The following ADAM9 variants were observed in gnomAD, a reference collection of about 807,000 sequenced individuals.
ADAM9 encodes the protein ADAM metallopeptidase domain 9, also known as disintegrin and metalloproteinase domain-containing protein 9.
In ADAM9, 54 loss-of-function variants were observed where a neutral mutation model predicts 108.1. That is an observed-to-expected ratio of 0.50 (90% CI 0.40 to 0.63). The LOEUF (loss-of-function observed/expected upper bound fraction) is 0.63, where lower values mean the gene tolerates loss of function less well. ADAM9 is among the 20% of genes least tolerant of loss of function. The pLI is 0.00. For missense variants in ADAM9, 830 were observed against 997.7 expected, an observed-to-expected ratio of 0.83 and a Z score of 2.26; for synonymous variants, 316 against 336.0, an observed-to-expected ratio of 0.94 and a Z score of 0.65.
chr8:39,090,726 G>A (rs537073096), intron 19 of ADAM9, among the ~76,000 whole-genome samples: 1 of 152,094 alleles, frequency 6.6e-6, no homozygotes, highest in East Asian at 1.9e-4. Context: ...TAGATACTTC[G>A]TATCATACTT....
At chr8:39,098,337 A>G (rs1839574817) in intron 20 of ADAM9, among the ~76,000 whole-genome samples, 1 of 152,154 alleles carries the variant, frequency 6.6e-6, no homozygotes, top group African/African-American at 2.4e-5. Context: ...GCAAATTCTT[A>G]GCAATTATTT....
At chr8:39,058,394 C>G (rs1351316524) in intron 14 of ADAM9, among the ~76,000 whole-genome samples, 1 of 152,174 alleles carries the variant, frequency 6.6e-6, no homozygotes, top group Non-Finnish European at 1.5e-5. Flanking sequence ...GGTTCTTTAC[C>G]TGTTAGGGTG....
In ADAM9 at chr8:39,017,216, C is replaced by T. The variant is rs895382518; in HGVS notation, c.411-3C>T. 3.7e-6 allele frequency: 6 copies of T among 1,613,934 alleles called. No homozygotes were observed. In the East Asian group the frequency reaches 1.3e-4, roughly 36 times the overall value. On this transcript the variant is annotated splice_region_variant and splice_polypyrimidine_tract_variant and intron_variant, in intron 5 of 21. Transcript: ENST00000487273. ...ATTTGTATACGTGTAATGCAACATT[C>T]AGAGGATTGCTGCATTTAGAGAATG...
chr8:39,033,479 T>C (rs1215148825), intron 11 of ADAM9, among the ~76,000 whole-genome samples: 1 of 152,036 alleles, frequency 6.6e-6, no homozygotes, highest in Non-Finnish European at 1.5e-5. Flanking sequence ...ATTTTTTTTT[T>C]AGCATTGACA....
intron 18 of ADAM9, among the ~76,000 whole-genome samples, chr8:39,084,730 G>T (rs187005470): frequency 7.2e-4 from 109 of 152,034 alleles, no homozygotes; most frequent in African/African-American, 2.3e-3. Flanking sequence ...TAGGTAGTCG[G>T]ATCTTTCATA....
At chr8:39,062,339 G>A (rs111806047) in intron 14 of ADAM9, among the ~76,000 whole-genome samples, 128 of 152,240 alleles carry the variant, frequency 8.4e-4, no homozygotes, top group African/African-American at 3.0e-3. Flanking sequence ...TCTGTAAACT[G>A]GCTCAACTCA....
At chr8:39,082,021 A>G (rs1839040036) in intron 16 of ADAM9, among the ~76,000 whole-genome samples, 2 of 152,112 alleles carry the variant, frequency 1.3e-5, no homozygotes. Context: ...AGTAGCTAGG[A>G]TTCATTTCTG....
intron 11 of ADAM9, among the ~76,000 whole-genome samples, chr8:39,028,571 T>C (rs1037221846): frequency 5.3e-5 from 8 of 152,190 alleles, no homozygotes; most frequent in Non-Finnish European, 8.8e-5. Context: ...GGGAATGTTA[T>C]GAAACAGTGC....
At chr8:39,021,740 G>A (rs760980922) in intron 8 of ADAM9, 26 bp downstream of exon 8, 8 of 1,588,698 alleles carry the variant, frequency 5.0e-6, no homozygotes, top group Admixed American at 1.7e-5. Context: ...TATCAACCAG[G>A]ATGATTCTGT....
In ADAM9 at chr8:39,045,423, C is replaced by T. The variant is rs1405942596; in HGVS notation, c.1302+3306C>T. Among the ~76,000 whole-genome samples, 74 of 134,156 alleles carry T rather than the reference C, an allele frequency of 5.5e-4. 3 individuals are homozygous for T. Among genetic ancestry groups the T allele is most frequent in the Admixed American group, 1.2e-3 (16 of 13,782 alleles). The allele number at this position is 134,156 out of a possible 152,430, so 88.0% of individuals were successfully genotyped here. A position where few individuals can be genotyped will look rare whatever the true frequency, so the allele number is the denominator to read the frequency against. ...ACACCTATATGTGCGCGTGTGTACA[C>T]ACACCTATATGTGCGCGTGTGTACA... On this transcript the variant is annotated intron_variant, in intron 12 of 21. Transcript: ENST00000487273.
At chr8:39,093,499 G>A (rs967752594) in intron 20 of ADAM9, among the ~76,000 whole-genome samples, 2 of 152,058 alleles carry the variant, frequency 1.3e-5, no homozygotes, top group Non-Finnish European at 2.9e-5. Flanking sequence ...TGACTCTTTA[G>A]GGTTTTCTAT....
At chr8:39,099,778 ATCCAGCACC>A (rs1487171007) in intron 20 of ADAM9, among the ~76,000 whole-genome samples, 6 of 152,040 alleles carry the variant, frequency 3.9e-5, no homozygotes, top group Non-Finnish European at 5.9e-5. Flanking sequence ...TAATTAACAT[ATCCAGCACC>A]TTGCTTGCTT....
chr8:39,030,975 TAA>T (rs1325701123), intron 11 of ADAM9, among the ~76,000 whole-genome samples: 1 of 152,258 alleles, frequency 6.6e-6, no homozygotes, highest in Non-Finnish European at 1.5e-5. Flanking sequence ...ATACTTTGGA[TAA>T]GAGTCTTTTA....
chr8:39,001,652 TTAAG>T (rs959873188), intron 1 of ADAM9, among the ~76,000 whole-genome samples: 4 of 152,068 alleles, frequency 2.6e-5, no homozygotes, highest in African/African-American at 9.7e-5. Flanking sequence ...GAAATTATAA[TTAAG>T]TATGTTTGAA....
chr8:39,103,614 C>T lies in ADAM9; in HGVS notation c.2374C>T (p.Pro792Ser), dbSNP rs1295134926. The T allele has an allele frequency of 3.7e-6, 6 of 1,614,078 alleles. No homozygotes were observed. ...QPQQFPSRPP[P>S]PQPKVSSQGN... ...TCTCTTTTCCCCTCGCAGGCCACCTCCACCACAACCGAAAGTATCATCTCA... is the reference window on the plus strand; with the variant it reads ...TCTCTTTTCCCCTCGCAGGCCACCTTCACCACAACCGAAAGTATCATCTCA... Residue 792 changes from proline to serine, a missense_variant, in exon 22 of 22, where the codon CCA becomes TCA. By Grantham distance (74) the Pro-to-Ser change is moderately conservative. This residue lies in a region of ADAM9 where 238 missense variants were observed against 235.7 expected (regional missense o/e 1.01). Transcript: ENST00000487273.
rs566681319 is a variant in ADAM9, at chr8:39,039,175, G to A, written c.1131-2771G>A. ...GATAGGGCTGCTTCTTCATTAACTA[G>A]AATGCAACATAGCTTTCACTCCTGC... On this transcript the variant is annotated intron_variant, in intron 11 of 21. Transcript: ENST00000487273. 3.9e-5 allele frequency among the ~76,000 whole-genome samples: 6 copies of A among 152,250 alleles called. No individual in the cohort carries two copies. The South Asian group carries it at 1.0e-3, about 26-fold the overall frequency.
At chr8:39,068,408 C>G (rs1232859517) in intron 14 of ADAM9, among the ~76,000 whole-genome samples, 1 of 151,994 alleles carries the variant, frequency 6.6e-6, no homozygotes, top group Non-Finnish European at 1.5e-5. Flanking sequence ...GGCACGGTGG[C>G]TCACACCTCT....
chr8:39,002,860 A>G (rs943836709), intron 1 of ADAM9, among the ~76,000 whole-genome samples: 1 of 151,492 alleles, frequency 6.6e-6, no homozygotes, highest in Non-Finnish European at 1.5e-5. Context: ...TTTTAGACGG[A>G]GTCTCCCTCG....
chr8:39,077,212 TTC>T lies in ADAM9; in HGVS notation c.1698-8_1698-7del, dbSNP rs757521200. 6.2e-7 allele frequency: 1 copy of T among 1,613,722 alleles called. No homozygotes were observed. The highest frequency in any genetic ancestry group is 2.2e-5 in the East Asian group (1 of 44,866). On this transcript the variant is annotated splice_polypyrimidine_tract_variant and intron_variant, in intron 15 of 21. Transcript: ENST00000487273. ...CTGGATGCATTTTATGTTGCATTATTTCTCTCTCTTTATAGGAATGCTTTGTG... is the reference window on the plus strand; with the variant it reads ...CTGGATGCATTTTATGTTGCATTATTTCTCTCTTTATAGGAATGCTTTGTG...
Sources: gnomAD v4.1 joint callset for allele counts (sites outside exome capture counted in the v4.1 genomes callset) on GRCh38, gnomAD v4.1.1 for gene constraint, gnomAD v4.1.1 regional missense constraint, MANE v1.5 for transcripts, NCBI Gene and HGNC (gene_info 2026-07-23, HGNC 2026-07-21) for gene names.